GPRIN3: variants seen among roughly 807,000 people sequenced by gnomAD.
The protein encoded by GPRIN3 is G protein-regulated inducer of neurite outgrowth 3.
In GPRIN3, 12 loss-of-function variants were observed where a neutral mutation model predicts 13.7. That is an observed-to-expected ratio of 0.87 (90% CI 0.56 to 1.42). The LOEUF is 1.42. Ranked by LOEUF, GPRIN3 falls within the 40% of genes most tolerant of loss-of-function variation. The probability of loss-of-function intolerance (pLI) is 0.00; values close to 1 mark genes in which losing one functional copy is unlikely to be tolerated. For missense variants in GPRIN3, 1,009 were observed against 958.7 expected (o/e 1.05, Z -0.69); for synonymous variants, 377 against 372.7 (o/e 1.01, Z -0.13).
chr4:89,237,522 T>C lies in GPRIN3; in HGVS notation c.*10258A>G, dbSNP rs921621425. On this transcript the variant is annotated 3_prime_UTR_variant, in exon 2 of 2. Transcript: ENST00000609438. ...TTGAAAGTGGCCCGGGAGGGGACAC[T>C]TCATCCCTTTTACTGTGTGAGGACA... 4 of 152,132 alleles carry C rather than the reference T, an allele frequency of 2.6e-5. No individual in the cohort carries two copies. The highest frequency in any genetic ancestry group is 5.9e-5 in the Non-Finnish European group (4 of 68,030). 9.4% of individuals were successfully genotyped at this position (152,132 alleles called of 1,614,324 possible).
intron 1 of GPRIN3, among the ~76,000 whole-genome samples, chr4:89,255,300 T>G (rs1014826658): frequency 1.3e-5 from 2 of 152,214 alleles, no homozygotes; most frequent in African/African-American, 4.8e-5. Flanking sequence ...CTCATTGGGT[T>G]GTCATGAGGA....
intron 1 of GPRIN3, among the ~76,000 whole-genome samples, chr4:89,273,297 A>G (rs1426274495): frequency 6.6e-6 from 1 of 152,238 alleles, no homozygotes; most frequent in Non-Finnish European, 1.5e-5. Context: ...ACAAGCTGCA[A>G]AAAACAGTTA....
intron 1 of GPRIN3, among the ~76,000 whole-genome samples, chr4:89,254,159 T>C (rs1009670755): frequency 3.7e-5 from 3 of 81,180 alleles, no homozygotes; most frequent in African/African-American, 9.2e-5. Flanking sequence ...GTGGAGTGTG[T>C]GTCCTGCATG....
At chr4:89,298,568 C>T (rs554322624) in intron 1 of GPRIN3, among the ~76,000 whole-genome samples, 1 of 152,100 alleles carries the variant, frequency 6.6e-6, no homozygotes, top group South Asian at 2.1e-4. Context: ...TATTACTAAG[C>T]TTATTCCCGT....
chr4:89,287,716 A>G (rs1032304069), intron 1 of GPRIN3, among the ~76,000 whole-genome samples: 1 of 152,226 alleles, frequency 6.6e-6, no homozygotes, highest in African/African-American at 2.4e-5. Context: ...TCCAGAAACT[A>G]TTTCAAAGTT....
intron 1 of GPRIN3, among the ~76,000 whole-genome samples, chr4:89,262,714 T>G (rs1334727828): frequency 1.3e-5 from 2 of 152,236 alleles, no homozygotes; most frequent in African/African-American, 4.8e-5. Flanking sequence ...AGAAATGCTT[T>G]TTAAAGTAAT....
At chr4:89,262,815 A>G (rs1043336933) in intron 1 of GPRIN3, among the ~76,000 whole-genome samples, 2 of 152,114 alleles carry the variant, frequency 1.3e-5, no homozygotes, top group African/African-American at 2.4e-5. Flanking sequence ...TGCCCTGCCC[A>G]CCCTCCGCCA....
chr4:89,297,450 G>A (rs1000936767), intron 1 of GPRIN3, among the ~76,000 whole-genome samples: 4 of 151,894 alleles, frequency 2.6e-5, no homozygotes, highest in African/African-American at 4.8e-5. Context: ...CCCTCTTCCC[G>A]CATGTGTTTA....
intron 1 of GPRIN3, among the ~76,000 whole-genome samples, chr4:89,305,624 A>G (rs563223521): frequency 7.2e-5 from 11 of 152,334 alleles, no homozygotes; most frequent in Admixed American, 6.5e-4. Context: ...TCCAAGACCA[A>G]TATTTCCGTG....
chr4:89,240,742 T>G lies in GPRIN3; in HGVS notation c.*7038A>C, dbSNP rs1480578358. The G allele has an allele frequency of 6.6e-6, 1 of 152,170 alleles. No individual in the cohort carries two copies. Among genetic ancestry groups the G allele is most frequent in the Non-Finnish European group, 1.5e-5 (1 of 68,026 alleles). 9.4% of individuals were successfully genotyped at this position (152,170 alleles called of 1,614,324 possible). A position where few individuals can be genotyped will look rare whatever the true frequency, so the allele number is the denominator to read the frequency against. ...GGGGCATCTCATTCAATAATAATATTTGTAAAACAGAGCAGTCATGGAAAT... is the reference window on the plus strand; with the variant it reads ...GGGGCATCTCATTCAATAATAATATGTGTAAAACAGAGCAGTCATGGAAAT... On this transcript the variant is annotated 3_prime_UTR_variant, in exon 2 of 2. Transcript: ENST00000609438.
At chr4:89,299,773 A>C (rs1325479647) in intron 1 of GPRIN3, among the ~76,000 whole-genome samples, 1 of 152,174 alleles carries the variant, frequency 6.6e-6, no homozygotes, top group Non-Finnish European at 1.5e-5. Flanking sequence ...GCTAAATAAA[A>C]TGCAGCATCA....
intron 1 of GPRIN3, among the ~76,000 whole-genome samples, chr4:89,254,582 A>G (rs1028810782): frequency 6.6e-6 from 1 of 152,204 alleles, no homozygotes; most frequent in African/African-American, 2.4e-5. Context: ...GCTGCATAGT[A>G]TTCCATGGTG....
chr4:89,258,024 T>C (rs956061427), intron 1 of GPRIN3, among the ~76,000 whole-genome samples: 31 of 151,764 alleles, frequency 2.0e-4, no homozygotes, highest in Non-Finnish European at 7.4e-5. Context: ...GCTCAGTGTT[T>C]TAGGGGAGGG....
intron 1 of GPRIN3, among the ~76,000 whole-genome samples, chr4:89,272,507 T>C (rs1473408821): frequency 2.0e-5 from 3 of 152,232 alleles, no homozygotes; most frequent in Admixed American, 6.5e-5. Flanking sequence ...ATATTCTCCA[T>C]TACTCTTTGA....
intron 1 of GPRIN3, among the ~76,000 whole-genome samples, chr4:89,282,396 C>G (rs183950296): frequency 3.6e-4 from 55 of 152,244 alleles, no homozygotes; most frequent in African/African-American, 1.2e-3. Flanking sequence ...CCTTGACCCT[C>G]AAGGGGTTGT....
intron 1 of GPRIN3, among the ~76,000 whole-genome samples, chr4:89,290,851 C>T (rs1259188809): frequency 6.6e-6 from 1 of 152,102 alleles, no homozygotes; most frequent in Admixed American, 6.5e-5. Context: ...CTGCCGCATG[C>T]CCCATTCACA....
chr4:89,248,737 A>T lies in GPRIN3; in HGVS notation c.1374T>A (p.Thr458=). 6.2e-7 allele frequency: 1 copy of T among 1,614,200 alleles called. No individual in the cohort carries two copies. Among genetic ancestry groups the T allele is most frequent in the Non-Finnish European group, 8.5e-7 (1 of 1,180,034 alleles). ...CGGTAGCTTTCAGGGAGCTAGAATT[A>T]GTACCTGCGAGCTTTTTAGCAGTTG... ...EESTAKKLAG[T]NSSSLKATAI... Residue 458 remains threonine (T), a synonymous_variant, in exon 2 of 2, where the codon ACT becomes ACA. Coordinates refer to ENST00000609438, the MANE Select transcript of GPRIN3 (RefSeq NM_198281.3).
chr4:89,271,576 A>G (rs968619596), intron 1 of GPRIN3, among the ~76,000 whole-genome samples: 2 of 151,842 alleles, frequency 1.3e-5, no homozygotes, highest in Non-Finnish European at 1.5e-5. Context: ...AAAAACTTGT[A>G]TTTTTTATTA....
chr4:89,237,941 A>G lies in GPRIN3; in HGVS notation c.*9839T>C, dbSNP rs543728677. On this transcript the variant is annotated 3_prime_UTR_variant, in exon 2 of 2. Transcript: ENST00000609438. Reference sequence around the variant, plus strand: ...TGGGACATAAACAGCTATAGGCATAAGACAAACCATCTCGGCCCTCCTGAG... The same window carrying G: ...TGGGACATAAACAGCTATAGGCATAGGACAAACCATCTCGGCCCTCCTGAG... The G allele has an allele frequency of 6.6e-6, 1 of 152,352 alleles. No homozygotes were observed. The highest frequency in any genetic ancestry group is 2.1e-4 in the South Asian group (1 of 4,826). 9.4% of individuals were successfully genotyped at this position (152,352 alleles called of 1,614,324 possible).
Sources: allele counts gnomAD v4.1 joint callset (sites outside exome capture counted in the v4.1 genomes callset), GRCh38; gene constraint gnomAD v4.1.1; transcripts MANE v1.5; gene names NCBI Gene and HGNC (gene_info 2026-07-23, HGNC 2026-07-21).